ANKFY1: variants seen among roughly 807,000 people sequenced by gnomAD.
The protein encoded by ANKFY1 is ankyrin repeat and FYVE domain containing 1.
Under a neutral mutation model 128.3 loss-of-function variants are expected in ANKFY1, and 47 were observed. The observed-to-expected ratio is 0.37, with a 90% CI of 0.29 to 0.47. The LOEUF (loss-of-function observed/expected upper bound fraction) is 0.47. Ranked by LOEUF, ANKFY1 falls within the 20% of genes least tolerant of loss-of-function variation. The pLI is 1.00. For missense variants in ANKFY1, 1,222 were observed against 1,510.6 expected (o/e 0.81, Z 3.17); for synonymous variants, 553 against 601.6 (o/e 0.92, Z 1.18).
intron 1 of ANKFY1, among the ~76,000 whole-genome samples, chr17:4,244,861 C>G (rs112042428): frequency 0.052 from 7,960 of 152,106 alleles, 468 homozygotes; most frequent in African/African-American, 0.14. Context: ...AGTCAGCATA[C>G]GAGCCAGTTT....
chr17:4,173,843 T>G, intron 20 of ANKFY1, 66 bp downstream of exon 20: 1 of 1,558,892 alleles, frequency 6.4e-7, no homozygotes, highest in Non-Finnish European at 8.7e-7. Flanking sequence ...GACCCAAGGG[T>G]GCACTGCACC....
intron 4 of ANKFY1, 154 bp downstream of exon 4, chr17:4,216,829 C>T: frequency 9.7e-7 from 1 of 1,033,518 alleles, no homozygotes; most frequent in Non-Finnish European, 1.5e-6. Flanking sequence ...TAACACAAAG[C>T]AAGGGAGGTA....
chr17:4,212,503 C>T (rs150643251), intron 4 of ANKFY1, among the ~76,000 whole-genome samples: 135 of 152,274 alleles, frequency 8.9e-4, no homozygotes, highest in African/African-American at 3.1e-3. Context: ...TAAATATGCT[C>T]GGAAGTTTGA....
At chr17:4,168,837 C>T (rs973676198) in intron 24 of ANKFY1, 2 of 219,666 alleles carry the variant, frequency 9.1e-6, no homozygotes, top group African/African-American at 4.4e-5. Context: ...TTAATGGGAA[C>T]AGCCCCTTAG....
In ANKFY1 at chr17:4,222,509, GAGA is replaced by G. The variant is rs144908826; in HGVS notation, c.323-5394_323-5392del. On this transcript the variant is annotated intron_variant, in intron 3 of 24. Coordinates refer to ENST00000341657, the MANE Select transcript of ANKFY1 (RefSeq NM_001330063.2). ...CCCCAGGGCAACATTTCTGTTCAGG[GAGA>G]AGTTCTACGCACTTTATCAGTATTT... is the stretch of plus-strand genomic sequence containing the variant. 3.9e-4 allele frequency: 367 copies of G among 949,130 alleles called. 2 individuals carry two copies. The Middle Eastern group carries it at 4.6e-3, about 12-fold the overall frequency. 58.8% of individuals were successfully genotyped at this position (949,130 alleles called of 1,614,324 possible). A position where few individuals can be genotyped will look rare whatever the true frequency, so the allele number is the denominator to read the frequency against.
At chr17:4,168,213 A>G (rs967236812) in intron 24 of ANKFY1, 42 of 190,608 alleles carry the variant, frequency 2.2e-4, no homozygotes, top group Admixed American at 5.4e-4. Context: ...AGCACTTTGG[A>G]AGGCTGAGGC....
intron 4 of ANKFY1, among the ~76,000 whole-genome samples, chr17:4,211,186 C>T (rs2060123854): frequency 6.6e-6 from 1 of 152,052 alleles, no homozygotes; most frequent in South Asian, 2.1e-4. Flanking sequence ...GGCAGATTGC[C>T]TGAGCTCAGG....
At chr17:4,170,363 C>G (rs1324378280) in intron 23 of ANKFY1, among the ~76,000 whole-genome samples, 3 of 152,148 alleles carry the variant, frequency 2.0e-5, no homozygotes, top group Non-Finnish European at 4.4e-5. Context: ...GAGCAGCAGG[C>G]CATTTTGAAG....
Position 4,164,201 on chromosome 17 carries a change from C to T in ANKFY1, c.*3578G>A, listed in dbSNP as rs551848121. On this transcript the variant is annotated 3_prime_UTR_variant, in exon 25 of 25. Transcript: ENST00000341657. Reference sequence around the variant, plus strand: ...GCCAAAAAAGAGCAAGTCATCAAGGCGAGCAGTCTCGACTCAAGACTCCCT... The same window carrying T: ...GCCAAAAAAGAGCAAGTCATCAAGGTGAGCAGTCTCGACTCAAGACTCCCT... The T allele has an allele frequency of 1.3e-5, 2 of 152,700 alleles. No homozygotes were observed. The highest frequency in any genetic ancestry group is 2.1e-4 in the South Asian group (1 of 4,836). 9.5% of individuals were successfully genotyped at this position (152,700 alleles called of 1,614,324 possible). A position where few individuals can be genotyped will look rare whatever the true frequency, so the allele number is the denominator to read the frequency against.
At position 4,181,854 on chromosome 17, in the gene ANKFY1, T is replaced by C. The variant is rs1432566063; in HGVS notation, c.2121+327A>G. Among the ~76,000 whole-genome samples the C allele has an allele frequency of 6.6e-6, 1 of 152,110 alleles. No individual in the cohort carries two copies. The highest frequency in any genetic ancestry group is 1.5e-5 in the Non-Finnish European group (1 of 68,034). ...GGGCCTGTCTTGCAAACAAGGGAGA[T>C]AAACCTAAGATTGAGGAAATTATCA... On this transcript the variant is annotated intron_variant, in intron 15 of 24. Transcript: ENST00000341657. This position sits in a 1 kb window ranked among gnomAD's most constrained non-coding sequence, Gnocchi z 4.9.
intron 7 of ANKFY1, among the ~76,000 whole-genome samples, chr17:4,197,834 A>C (rs1045569876): frequency 1.3e-5 from 2 of 152,164 alleles, no homozygotes; most frequent in Non-Finnish European, 2.9e-5. Flanking sequence ...TCACTGTTTA[A>C]GAATACTAGG....
At chr17:4,246,924 C>T (rs1401597315) in intron 1 of ANKFY1, among the ~76,000 whole-genome samples, 2 of 151,900 alleles carry the variant, frequency 1.3e-5, no homozygotes, top group Non-Finnish European at 2.9e-5. Context: ...CCAGCCTGGG[C>T]AACATGGTGA....
At chr17:4,168,492 T>C (rs908132808) in intron 24 of ANKFY1, among the ~76,000 whole-genome samples, 1 of 152,134 alleles carries the variant, frequency 6.6e-6, no homozygotes, top group African/African-American at 2.4e-5. Flanking sequence ...CTATCTTTTT[T>C]TTTCCTTTTT....
chr17:4,186,365 A>C (rs2059611977), intron 11 of ANKFY1: 1 of 152,760 alleles, frequency 6.5e-6, no homozygotes, highest in Admixed American at 6.5e-5. Context: ...CTAACTGATC[A>C]CAACCAGTTA....
At chr17:4,251,098 G>T (rs1465245536) in intron 1 of ANKFY1, among the ~76,000 whole-genome samples, 1 of 152,154 alleles carries the variant, frequency 6.6e-6, no homozygotes, top group African/African-American at 2.4e-5. Flanking sequence ...CCAGAGCAAT[G>T]GAAAATAACA....
rs1446782717 is a variant in ANKFY1 at position 4,169,127 on chromosome 17, C to T, written c.3377+71G>A. The T allele has an allele frequency of 7.0e-7, 1 of 1,429,562 alleles. No individual in the cohort carries two copies. The highest frequency in any genetic ancestry group is 1.4e-5 in the African/African-American group (1 of 70,574). The allele number at this position is 1,429,562 out of a possible 1,614,324, so 88.6% of individuals were successfully genotyped here. A position where few individuals can be genotyped will look rare whatever the true frequency, so the allele number is the denominator to read the frequency against. ...GACCCAGGCAAGTTCACGGCCTGTCCTGGAGAAGGGGGGAAGCAATGACAT... is the reference window on the plus strand; with the variant it reads ...GACCCAGGCAAGTTCACGGCCTGTCTTGGAGAAGGGGGGAAGCAATGACAT... On this transcript the variant is annotated intron_variant, in intron 24 of 24. Coordinates refer to ENST00000341657, the MANE Select transcript of ANKFY1 (RefSeq NM_001330063.2). The surrounding 1 kb of genome is among the most constrained non-coding windows in gnomAD (Gnocchi z 5.0).
At chr17:4,173,072 G>A (rs1015699612) in intron 21 of ANKFY1, among the ~76,000 whole-genome samples, 3 of 152,204 alleles carry the variant, frequency 2.0e-5, no homozygotes, top group South Asian at 2.1e-4. Context: ...TAGTCAGGAC[G>A]GTCTCGATCT....
intron 4 of ANKFY1, among the ~76,000 whole-genome samples, chr17:4,210,238 T>C (rs1276475270): frequency 6.6e-6 from 1 of 152,212 alleles, no homozygotes; most frequent in African/African-American, 2.4e-5. Flanking sequence ...CGACACCCGC[T>C]GATCACACAG....
intron 6 of ANKFY1, among the ~76,000 whole-genome samples, chr17:4,206,805 C>T (rs577961473): frequency 5.3e-5 from 8 of 152,174 alleles, no homozygotes; most frequent in African/African-American, 1.9e-4. Flanking sequence ...GAGAGTTTTA[C>T]GGTGAACAGC....
Sources: gnomAD v4.1 joint callset for allele counts (sites outside exome capture counted in the v4.1 genomes callset) on GRCh38, gnomAD v4.1.1 for gene constraint, Gnocchi (gnomAD v3.1) non-coding constraint, MANE v1.5 for transcripts, NCBI Gene and HGNC (gene_info 2026-07-23, HGNC 2026-07-21) for gene names.